The following NUP160 variants were observed in gnomAD, a reference collection of about 807,000 sequenced individuals.
NUP160 encodes nuclear pore complex protein Nup160.
NUP160 carries 94 observed loss-of-function variants against 196.9 expected under a neutral mutation model. The ratio of observed to expected loss-of-function variants is 0.48; its 90% CI spans 0.40 to 0.57. The LOEUF (loss-of-function observed/expected upper bound fraction) is 0.57, where lower values mean the gene tolerates loss of function less well. Ranked by LOEUF, NUP160 falls within the 20% of genes least tolerant of loss-of-function variation. NUP160 has a pLI of 0.00. For missense variants in NUP160, 1,638 were observed against 1,748.3 expected, an observed-to-expected ratio of 0.94 and a Z score of 1.13; for synonymous variants, 605 against 619.7, an observed-to-expected ratio of 0.98 and a Z score of 0.35.
In NUP160 at chr11:47,839,766, T is replaced by G. The variant is rs781555322; in HGVS notation, c.748+77A>C. The stretch of plus-strand genomic sequence containing the variant: ...GGCAGTAGAGATGCAATCCCTGCAT[T>G]GGATGACGAGGTTGAACTGTTTCAA... On this transcript the variant is annotated intron_variant, in intron 4 of 35. Transcript: ENST00000378460. 44 of 1,213,998 alleles carry G rather than the reference T, an allele frequency of 3.6e-5. 1 individual carries two copies. The highest frequency in any genetic ancestry group is 5.2e-5 in the Non-Finnish European group (43 of 821,236). The allele number at this position is 1,213,998 out of a possible 1,614,324, so 75.2% of individuals were successfully genotyped here.
rs1461978893 is a variant in NUP160, at chr11:47,792,891, G to T, written c.3345C>A (p.Leu1115=). The T allele has an allele frequency of 1.9e-6, 3 of 1,613,976 alleles. No homozygotes were observed. The African/African-American group carries it at 4.0e-5, about 22-fold the overall frequency. ...AGTTGCCTTGTTTCTCAAGTCCCCG[G>T]AGAGTTCGAACTTCTCTGCCAAGCC... Residue 1115 remains leucine (L), a synonymous_variant, in exon 28 of 36, where the codon CTC becomes CTA. Transcript: ENST00000378460.
At chr11:47,824,052 T>C (rs7120235) in intron 7 of NUP160, among the ~76,000 whole-genome samples, 33,177 of 91,904 alleles carry the variant, frequency 0.36, 6,042 homozygotes, top group South Asian at 0.47. Context: ...TATATATATA[T>C]ACACACACAC....
rs539651656 is a variant in NUP160, at chr11:47,837,618, C to T, written c.754G>A (p.Val252Met). ...CTCTGTTTCAGTTCCACGACTGACA[C>T]CATACCTGCAATGATATCCAAGGCA... Residue 252 changes from valine to methionine, a missense_variant, in exon 5 of 36, where the codon GTG becomes ATG. Val to Met is a conservative substitution (Grantham distance 21, BLOSUM62 1). Coordinates refer to ENST00000378460, the Ensembl canonical transcript of NUP160. 11 of 1,613,444 alleles carry T rather than the reference C, an allele frequency of 6.8e-6. No homozygotes were observed. Among genetic ancestry groups the T allele is most frequent in the African/African-American group, 1.3e-5 (1 of 74,910 alleles).
intron 7 of NUP160, among the ~76,000 whole-genome samples, chr11:47,826,605 T>A (rs1456939056): frequency 2.7e-5 from 4 of 149,206 alleles, no homozygotes; most frequent in Non-Finnish European, 5.9e-5. Context: ...CTCTGTCACT[T>A]AGGCTGGAGT....
At chr11:47,847,182 T>C (rs1214417358) in intron 2 of NUP160, among the ~76,000 whole-genome samples, 1 of 152,166 alleles carries the variant, frequency 6.6e-6, no homozygotes, top group African/African-American at 2.4e-5. Context: ...TTCCACTTCA[T>C]GACCTTTGCA....
chr11:47,831,161 T>TCAACAA lies in NUP160; in HGVS notation c.1101+4484_1101+4489dup, dbSNP rs75205280. 1.1e-3 allele frequency among the ~76,000 whole-genome samples: 164 copies of TCAACAA among 150,958 alleles called. No homozygotes were observed. In the East Asian group the frequency reaches 0.011, roughly 10 times the overall value. On this transcript the variant is annotated intron_variant, in intron 7 of 35. Transcript: ENST00000378460. ...CTGGGCAACAGAGCAAGATTCCATC[T>TCAACAA]CAACAACAACAACAACAACAACAAC... is the stretch of plus-strand genomic sequence containing the variant.
chr11:47,792,701 C>A, intron 28 of NUP160, 85 bp downstream of exon 28: 1 of 1,232,580 alleles, frequency 8.1e-7, no homozygotes. Flanking sequence ...AGCAAAATGA[C>A]ACAATAGTTT....
exon 29 of NUP160, chr11:47,791,981 G>A (rs771984452): frequency 1.2e-6 from 2 of 1,609,422 alleles, no homozygotes; most frequent in African/African-American, 1.3e-5. Context: ...GATGCTCCAG[G>A]GCGATCATAC....
chr11:47,779,145 T>C, exon 36 of NUP160: 1 of 1,613,874 alleles, frequency 6.2e-7, no homozygotes, highest in Non-Finnish European at 8.5e-7. Context: ...TGTTGCCTTA[T>C]CAACTTTTTG....
chr11:47,786,618 C>G, intron 31 of NUP160, 64 bp from the exon 32 acceptor site: 1 of 982,628 alleles, frequency 1.0e-6, no homozygotes, highest in Admixed American at 1.8e-5. Context: ...TAATTTGATA[C>G]TAAAACTAGA....
intron 34 of NUP160, among the ~76,000 whole-genome samples, chr11:47,782,304 A>AAT (rs1202232626): frequency 3.8e-5 from 2 of 52,178 alleles, no homozygotes; most frequent in Admixed American, 2.3e-4. Flanking sequence ...AAAAAAAAAA[A>AAT]TATATATATA....
chr11:47,817,548 T>TG (rs1851764076), intron 11 of NUP160, among the ~76,000 whole-genome samples: 3 of 151,522 alleles, frequency 2.0e-5, no homozygotes, highest in Non-Finnish European at 4.4e-5. Context: ...GGTTTCACCA[T>TG]GTTGGCCAGG....
chr11:47,822,764 CT>C (rs1565202893), intron 7 of NUP160, among the ~76,000 whole-genome samples: 1 of 152,180 alleles, frequency 6.6e-6, no homozygotes. Flanking sequence ...GTTCCCCACC[CT>C]GTGGCCAAGT....
Position 47,816,048 on chromosome 11 carries a change from T to C in NUP160, c.1432-19A>G. On this transcript the variant is annotated intron_variant, in intron 11 of 35. Transcript: ENST00000378460. ...AGAAAATCTAACATTAAAAGACATT[T>C]TAGACTTCTATATAATAGCCAAAAC... 1 of 1,568,220 alleles carries C rather than the reference T, an allele frequency of 6.4e-7. No homozygotes were observed. The highest frequency in any genetic ancestry group is 8.8e-7 in the Non-Finnish European group (1 of 1,138,396).
intron 2 of NUP160, among the ~76,000 whole-genome samples, chr11:47,840,896 C>T (rs1852282571): frequency 6.6e-6 from 1 of 152,160 alleles, no homozygotes; most frequent in Non-Finnish European, 1.5e-5. Flanking sequence ...CCGGCCATTG[C>T]TTGTAGTGGA....
intron 7 of NUP160, among the ~76,000 whole-genome samples, chr11:47,822,508 G>A (rs770881396): frequency 7.9e-5 from 12 of 151,670 alleles, no homozygotes; most frequent in Non-Finnish European, 1.3e-4. Context: ...CGCCTGCCTC[G>A]GCCTCCCAAA....
At chr11:47,822,419 G>A (rs568107502) in intron 7 of NUP160, among the ~76,000 whole-genome samples, 3 of 151,952 alleles carry the variant, frequency 2.0e-5, no homozygotes, top group East Asian at 1.9e-4. Flanking sequence ...CACCATGCCC[G>A]GCTAATTTTT....
chr11:47,840,387 C>T, exon 3 of NUP160: 1 of 1,613,278 alleles, frequency 6.2e-7, no homozygotes, highest in Non-Finnish European at 8.5e-7. Context: ...CACTCCTATA[C>T]ATCCGGGAGG....
chr11:47,789,184 T>C (rs1302195494), intron 29 of NUP160, among the ~76,000 whole-genome samples: 1 of 152,088 alleles, frequency 6.6e-6, no homozygotes, highest in Non-Finnish European at 1.5e-5. Context: ...GCCTAAAAAA[T>C]TTTTTTTCTA....
Sources: allele counts gnomAD v4.1 joint callset (sites outside exome capture counted in the v4.1 genomes callset), GRCh38; gene constraint gnomAD v4.1.1; transcripts MANE v1.5; gene names NCBI Gene and HGNC (gene_info 2026-07-23, HGNC 2026-07-21).